The following ARHGAP26 variants were observed in gnomAD, a reference collection of about 807,000 sequenced individuals.
The protein encoded by ARHGAP26 is rho GTPase-activating protein 26.
ARHGAP26 carries 38 observed loss-of-function variants against 104.8 expected under a neutral mutation model. The observed-to-expected ratio is 0.36, with a 90% confidence interval of 0.28 to 0.48. ARHGAP26 has a LOEUF of 0.48. Among genes scored for constraint, ARHGAP26 ranks in the 20% least tolerant of loss-of-function variants. ARHGAP26 has a pLI of 0.99. For synonymous variants in ARHGAP26, 341 were observed against 340.0 expected (o/e 1.00, Z -0.03); for missense variants, 704 against 947.9 (o/e 0.74, Z 3.38).
intron 11 of ARHGAP26, among the ~76,000 whole-genome samples, chr5:142,986,609 GTT>G (rs1774775242): frequency 6.6e-6 from 1 of 152,212 alleles, no homozygotes; most frequent in Non-Finnish European, 1.5e-5. Context: ...TATTGGCTAG[GTT>G]TTCTTCTAGG....
intron 11 of ARHGAP26, among the ~76,000 whole-genome samples, chr5:142,937,582 T>C (rs191474389): frequency 3.9e-4 from 60 of 152,328 alleles, no homozygotes; most frequent in African/African-American, 1.3e-3. Context: ...CACAAAAACC[T>C]GTATGCATAA....
intron 1 of ARHGAP26, among the ~76,000 whole-genome samples, chr5:142,789,707 T>A (rs1362926350): frequency 1.3e-5 from 2 of 152,182 alleles, no homozygotes; most frequent in Non-Finnish European, 2.9e-5. Flanking sequence ...TTACATTTCC[T>A]TGCACCCCCA....
intron 21 of ARHGAP26, among the ~76,000 whole-genome samples, chr5:143,211,464 C>T (rs981198060): frequency 6.6e-6 from 1 of 152,078 alleles, no homozygotes; most frequent in African/African-American, 2.4e-5. Flanking sequence ...TATCCTAAAG[C>T]AGTAGAGGGA....
At chr5:142,962,688 T>C (rs924783609) in intron 11 of ARHGAP26, among the ~76,000 whole-genome samples, 1 of 152,128 alleles carries the variant, frequency 6.6e-6, no homozygotes, top group Non-Finnish European at 1.5e-5. Context: ...TCTACTTGAG[T>C]GTGAGGTAAG....
chr5:143,098,227 A>G (rs939528729), intron 17 of ARHGAP26, among the ~76,000 whole-genome samples: 5 of 152,214 alleles, frequency 3.3e-5, no homozygotes, highest in African/African-American at 7.2e-5. Flanking sequence ...GGTTCAGACC[A>G]TGTATTCTTC....
At chr5:143,004,641 CCTT>C (rs889406695) in intron 11 of ARHGAP26, among the ~76,000 whole-genome samples, 1 of 152,172 alleles carries the variant, frequency 6.6e-6, no homozygotes, top group African/African-American at 2.4e-5. Flanking sequence ...TCCACCCTGA[CCTT>C]CATCTCTGTT....
At chr5:143,132,798 G>T (rs769770184) in intron 18 of ARHGAP26, among the ~76,000 whole-genome samples, 9 of 151,766 alleles carry the variant, frequency 5.9e-5, no homozygotes, top group Middle Eastern at 3.4e-3. Context: ...TGCTTAAAAG[G>T]TGTGTGTTGA....
At chr5:142,954,726 G>A (rs747853649) in intron 11 of ARHGAP26, among the ~76,000 whole-genome samples, 16 of 152,174 alleles carry the variant, frequency 1.1e-4, no homozygotes, top group Non-Finnish European at 1.9e-4. Context: ...GTGATATGAC[G>A]TCAACTCAGA....
chr5:142,854,339 A>G (rs1311238373), intron 1 of ARHGAP26, among the ~76,000 whole-genome samples: 1 of 152,200 alleles, frequency 6.6e-6, no homozygotes, highest in Non-Finnish European at 1.5e-5. Context: ...TCTAGCTTGC[A>G]TCTGCAGTTT....
intron 19 of ARHGAP26, among the ~76,000 whole-genome samples, chr5:143,142,475 C>A (rs1211024736): frequency 6.7e-6 from 1 of 150,050 alleles, no homozygotes; most frequent in Admixed American, 6.6e-5. Flanking sequence ...CTATCATCAC[C>A]CAAACTCCTT....
chr5:143,017,929 G>A (rs560026518), intron 12 of ARHGAP26, among the ~76,000 whole-genome samples: 7 of 152,286 alleles, frequency 4.6e-5, no homozygotes, highest in Non-Finnish European at 8.8e-5. Flanking sequence ...GCACTCTCTT[G>A]TATTGTTCTC....
intron 20 of ARHGAP26, among the ~76,000 whole-genome samples, chr5:143,199,949 A>C (rs1423549824): frequency 6.6e-6 from 1 of 152,112 alleles, no homozygotes; most frequent in Admixed American, 6.6e-5. Flanking sequence ...GGGGTCTCAC[A>C]TCTCCAGGTT....
intron 1 of ARHGAP26, among the ~76,000 whole-genome samples, chr5:142,795,290 C>G (rs953214307): frequency 2.6e-5 from 4 of 152,152 alleles, no homozygotes; most frequent in Admixed American, 6.5e-5. Flanking sequence ...GTGACCACCT[C>G]GTAGGGTTAT....
rs115841406 is a variant in ARHGAP26, at chr5:143,222,511, C to T, written c.*65C>T. On this transcript the variant is annotated 3_prime_UTR_variant, in exon 23 of 23. Transcript: ENST00000645722. ...CCATGACAACTGCTGATTCCAGTGT[C>T]GAGGCCATTTCTCTTTGCCACTGAG... is the stretch of plus-strand genomic sequence containing the variant. 108 of 1,327,070 alleles carry T rather than the reference C, an allele frequency of 8.1e-5. No homozygotes were observed. The South Asian group carries it at 1.2e-3, about 15-fold the overall frequency. 82.2% of individuals were successfully genotyped at this position (1,327,070 alleles called of 1,614,324 possible).
chr5:142,820,655 C>T (rs1012729703), intron 1 of ARHGAP26, among the ~76,000 whole-genome samples: 5 of 152,176 alleles, frequency 3.3e-5, no homozygotes, highest in Admixed American at 2.6e-4. Flanking sequence ...TTGCCCTAGA[C>T]ATGCAGAGCA....
intron 11 of ARHGAP26, among the ~76,000 whole-genome samples, chr5:142,945,849 A>C (rs2152567798): frequency 6.6e-6 from 1 of 152,326 alleles, no homozygotes; most frequent in African/African-American, 2.4e-5. Flanking sequence ...AAATTTTGCC[A>C]GTTATCTCAC....
chr5:142,908,406 A>G (rs776429257), intron 9 of ARHGAP26, among the ~76,000 whole-genome samples: 12 of 152,222 alleles, frequency 7.9e-5, no homozygotes, highest in Non-Finnish European at 1.3e-4. Context: ...TACAGCTGTC[A>G]TCCTCTCTCC....
At chr5:142,858,846 G>A (rs949715439) in intron 1 of ARHGAP26, among the ~76,000 whole-genome samples, 7 of 152,202 alleles carry the variant, frequency 4.6e-5, no homozygotes, top group African/African-American at 1.7e-4. Flanking sequence ...CTGAGGAAGT[G>A]ACCCTTCATG....
chr5:143,012,552 C>CACATATATATATATATATAT (rs1778940698), intron 11 of ARHGAP26, among the ~76,000 whole-genome samples: 1 of 20,846 alleles, frequency 4.8e-5, no homozygotes, highest in Non-Finnish European at 1.4e-4. Context: ...TACATACATA[C>CACATATATATATATATATAT]ATATATATAT....
Sources: gnomAD v4.1 joint callset for allele counts (sites outside exome capture counted in the v4.1 genomes callset) on GRCh38, gnomAD v4.1.1 for gene constraint, MANE v1.5 for transcripts, NCBI Gene and HGNC (gene_info 2026-07-23, HGNC 2026-07-21) for gene names.